Variants in LAMA1 observed in about 807,000 individuals in gnomAD.
LAMA1 encodes the protein laminin subunit alpha 1.
Under a neutral mutation model 348.7 loss-of-function variants are expected in LAMA1, and 219 were observed. The ratio of observed to expected loss-of-function variants is 0.63; its 90% CI spans 0.56 to 0.70. The LOEUF (loss-of-function observed/expected upper bound fraction) is 0.70, where lower values mean the gene tolerates loss of function less well. Among genes scored for constraint, LAMA1 ranks in the 30% least tolerant of loss-of-function variants. The pLI is 0.00. For missense variants in LAMA1, 3,744 were observed against 3,888.0 expected (o/e 0.96, Z 0.99); for synonymous variants, 1,487 against 1,491.0 (o/e 1.00, Z 0.06).
chr18:7,043,307 C>G lies in LAMA1; in HGVS notation c.1075G>C (p.Gly359Arg). 6.2e-7 allele frequency: 1 copy of G among 1,614,126 alleles called. No homozygotes were observed. Among genetic ancestry groups the G allele is most frequent in the Non-Finnish European group, 8.5e-7 (1 of 1,180,002 alleles). Reference sequence around the variant, plus strand: ...TTCTGCAAGCAATTTATGCAAACCCCTCCTCCTCTGAACTGTCCAGCAGTA... The same window carrying G: ...TTCTGCAAGCAATTTATGCAAACCCGTCCTCCTCTGAACTGTCCAGCAGTA... ...LNTAGQFRGG[G>R]VCINCLQNTM... The change falls in exon 8 of 63, where the codon GGG becomes CGG. Residue 359 changes from glycine to arginine, a missense_variant. Gly to Arg is a moderately radical substitution (Grantham distance 125). Transcript: ENST00000389658.
At chr18:7,056,464 AC>A (rs1163371287) in intron 3 of LAMA1, among the ~76,000 whole-genome samples, 1 of 152,118 alleles carries the variant, frequency 6.6e-6, no homozygotes, top group Non-Finnish European at 1.5e-5. Context: ...ATCCCAAACA[AC>A]CCCATTATTG....
At position 7,040,272 on chromosome 18, in the gene LAMA1, G is replaced by A. The variant is rs1323739750; in HGVS notation, c.1262-36C>T. ...AACAATGGCAATGACCCAACATGAA[G>A]GCAAAAGAGGTTTAAAGCAGGGGTT... On this transcript the variant is annotated intron_variant, in intron 9 of 62. Coordinates refer to ENST00000389658, the MANE Select transcript of LAMA1 (RefSeq NM_005559.4). The A allele has an allele frequency of 4.3e-6, 7 of 1,611,418 alleles. 1 individual carries two copies. The South Asian group carries it at 7.7e-5, about 18-fold the overall frequency.
chr18:7,038,604 TAGAGA>T (rs1469254643), intron 11 of LAMA1: 7 of 679,570 alleles, frequency 1.0e-5, no homozygotes, highest in African/African-American at 1.8e-5. Context: ...GTTTTTTCCA[TAGAGA>T]AATGTGTGTG....
Position 6,976,087 on chromosome 18 carries a change from A to C in LAMA1, c.6346-7T>G, listed in dbSNP as rs2057680769. ...CAGACACGGCGACTTTAATCTGTAG[A>C]AGGAAAATGAAAGTGTCCCCATCAT... On this transcript the variant is annotated splice_region_variant and splice_polypyrimidine_tract_variant and intron_variant, in intron 44 of 62. Transcript: ENST00000389658. The C allele has an allele frequency of 1.2e-6, 2 of 1,614,054 alleles. No homozygotes were observed. Among genetic ancestry groups the C allele is most frequent in the Non-Finnish European group, 1.7e-6 (2 of 1,179,934 alleles).
At chr18:7,029,708 G>T (rs1209462818) in intron 16 of LAMA1, among the ~76,000 whole-genome samples, 1 of 152,088 alleles carries the variant, frequency 6.6e-6, no homozygotes, top group Non-Finnish European at 1.5e-5. Flanking sequence ...AAAGACATGA[G>T]GGCCCAAGAC....
intron 26 of LAMA1, among the ~76,000 whole-genome samples, chr18:7,009,970 C>A (rs899159101): frequency 6.6e-6 from 1 of 152,046 alleles, no homozygotes; most frequent in Non-Finnish European, 1.5e-5. Context: ...CCATGCCTGG[C>A]TAATTTTTAT....
At chr18:6,967,168 A>G (rs958584046) in intron 48 of LAMA1, among the ~76,000 whole-genome samples, 6 of 152,208 alleles carry the variant, frequency 3.9e-5, no homozygotes, top group Non-Finnish European at 8.8e-5. Flanking sequence ...AAAGAAAACA[A>G]AACAAAAAAT....
chr18:6,993,527 TG>T (rs1302840233), intron 35 of LAMA1, 113 bp downstream of exon 35: 2 of 829,684 alleles, frequency 2.4e-6, no homozygotes, highest in East Asian at 4.9e-5. Context: ...CCAGCCCCTC[TG>T]GTTCCGGAAA....
intron 36 of LAMA1, among the ~76,000 whole-genome samples, chr18:6,987,749 T>C (rs1219007898): frequency 6.6e-6 from 1 of 152,174 alleles, no homozygotes; most frequent in East Asian, 1.9e-4. Flanking sequence ...GTTATAAATT[T>C]GAACTCTGAC....
intron 51 of LAMA1, 120 bp downstream of exon 51, chr18:6,964,542 C>A: frequency 8.0e-7 from 1 of 1,249,168 alleles, no homozygotes. Context: ...GCCTCTAGAA[C>A]TGGGAAAGAA....
Position 6,978,254 on chromosome 18 carries a change from G to A in LAMA1, c.6132C>T (p.Ser2044=). Residue 2044 remains serine (S), a synonymous_variant, in exon 43 of 63, where the codon TCC becomes TCT. Transcript: ENST00000389658. ...QELLNTSASL[S]RVNTTLRETH... is the part of the protein sequence containing the mutation. ...TCTCTCGTAATGTGGTGTTGACCCT[G>A]GACAGGCTGGCAGATGTGTTCAGCA... 1 of 1,614,208 alleles carries A rather than the reference G, an allele frequency of 6.2e-7. No homozygotes were observed. Among genetic ancestry groups the A allele is most frequent in the South Asian group, 1.1e-5 (1 of 91,086 alleles).
At chr18:6,988,877 A>T (rs1188796966) in intron 36 of LAMA1, among the ~76,000 whole-genome samples, 1 of 151,934 alleles carries the variant, frequency 6.6e-6, no homozygotes, top group African/African-American at 2.4e-5. Context: ...TTTGAAAAAC[A>T]GCTACAAACA....
At chr18:7,112,886 C>T (rs1253773607) in intron 1 of LAMA1, among the ~76,000 whole-genome samples, 1 of 152,108 alleles carries the variant, frequency 6.6e-6, no homozygotes, top group Non-Finnish European at 1.5e-5. Context: ...CCACCTGCCT[C>T]GGCCTCCCAA....
At chr18:7,033,155 T>G in intron 14 of LAMA1, 60 bp from the exon 15 acceptor site, 2 of 1,189,204 alleles carry the variant, frequency 1.7e-6, no homozygotes, top group Non-Finnish European at 1.2e-6. Context: ...CACATCTCAA[T>G]GAAGATGGGC....
intron 36 of LAMA1, 80 bp from the exon 37 acceptor site, chr18:6,986,427 T>C: frequency 7.7e-7 from 1 of 1,304,010 alleles, no homozygotes; most frequent in Middle Eastern, 2.2e-4. Context: ...GAAAAAATTT[T>C]TACGTATTTA....
In LAMA1 at chr18:7,011,471, C is replaced by T; in HGVS notation, c.3516G>A (p.Leu1172=). ...CACGCAGAAGAGGCTGATCGGAGCC[C>T]AGCGTTACCTAAACCACGAAAGGAG... ...LEDYVRTPVT[L]GSDQPLLRVV... is the part of the protein sequence containing the mutation. Residue 1172 remains leucine (L), a synonymous_variant, in exon 25 of 63, where the codon CTG becomes CTA. Coordinates refer to ENST00000389658, the MANE Select transcript of LAMA1 (RefSeq NM_005559.4). 1 of 1,603,824 alleles carries T rather than the reference C, an allele frequency of 6.2e-7. No individual in the cohort carries two copies. Among genetic ancestry groups the T allele is most frequent in the Non-Finnish European group, 8.5e-7 (1 of 1,175,474 alleles).
intron 51 of LAMA1, among the ~76,000 whole-genome samples, chr18:6,963,262 G>A (rs777988170): frequency 3.3e-5 from 5 of 152,120 alleles, no homozygotes; most frequent in East Asian, 3.9e-4. Context: ...ACACTGGGCC[G>A]TCTGGGCAAA....
intron 56 of LAMA1, chr18:6,955,711 A>G (rs934578718): frequency 6.6e-6 from 4 of 603,952 alleles, no homozygotes; most frequent in Admixed American, 4.4e-5. Flanking sequence ...ACTGAAATTC[A>G]TAAGGACACT....
intron 34 of LAMA1, among the ~76,000 whole-genome samples, chr18:6,994,505 T>C (rs4239330): frequency 0.53 from 80,591 of 151,714 alleles, 23,662 homozygotes; most frequent in East Asian, 0.93. Context: ...AATGTTTGCT[T>C]GATGAGGTAC....
Sources: allele counts gnomAD v4.1 joint callset (sites outside exome capture counted in the v4.1 genomes callset), GRCh38; gene constraint gnomAD v4.1.1; transcripts MANE v1.5; gene names NCBI Gene and HGNC (gene_info 2026-07-23, HGNC 2026-07-21).